TAOK1: variants seen among roughly 807,000 people sequenced by gnomAD.
TAOK1 encodes serine/threonine-protein kinase TAO1.
In TAOK1, 21 loss-of-function variants were observed where a neutral mutation model predicts 138.3. The ratio of observed to expected loss-of-function variants is 0.15; its 90% confidence interval spans 0.11 to 0.22. The LOEUF (loss-of-function observed/expected upper bound fraction) is 0.22, where lower values mean the gene tolerates loss of function less well. TAOK1 is among the 10% of genes least tolerant of loss of function. The pLI, the probability that TAOK1 is intolerant of heterozygous loss-of-function variation, is 1.00. For missense variants in TAOK1, 651 were observed against 1,227.7 expected, an observed-to-expected ratio of 0.53 and a Z score of 7.02; for synonymous variants, 361 against 398.4, an observed-to-expected ratio of 0.91 and a Z score of 1.12.
Position 29,545,186 on chromosome 17 carries a change from T to A in TAOK1, c.*2164T>A, listed in dbSNP as rs907050876. On this transcript the variant is annotated 3_prime_UTR_variant, in exon 20 of 20. Transcript: ENST00000261716. ...CATGACATGACATGTACTTGTAATATCAGTGAAAGGGGCTTTTAGTCGTCT... is the reference window on the plus strand; with the variant it reads ...CATGACATGACATGTACTTGTAATAACAGTGAAAGGGGCTTTTAGTCGTCT... The A allele has an allele frequency of 6.6e-6, 1 of 152,170 alleles. No homozygotes were observed. Among genetic ancestry groups the A allele is most frequent in the Admixed American group, 6.6e-5 (1 of 15,258 alleles). The allele number at this position is 152,170 out of a possible 1,614,324, so 9.4% of individuals were successfully genotyped here.
intron 18 of TAOK1, among the ~76,000 whole-genome samples, chr17:29,531,110 T>C (rs1356433716): frequency 6.7e-6 from 1 of 149,872 alleles, no homozygotes; most frequent in Non-Finnish European, 1.5e-5. Flanking sequence ...TACAGGCGCC[T>C]GCCACTATGC....
chr17:29,431,829 T>TG (rs1248115242), intron 1 of TAOK1, among the ~76,000 whole-genome samples: 1 of 129,470 alleles, frequency 7.7e-6, no homozygotes, highest in Admixed American at 8.3e-5. Flanking sequence ...TTTTTTGAGA[T>TG]GGAGTCTCAC....
intron 3 of TAOK1, among the ~76,000 whole-genome samples, chr17:29,473,979 G>A (rs915401364): frequency 6.6e-6 from 1 of 152,058 alleles, no homozygotes; most frequent in Non-Finnish European, 1.5e-5. Context: ...TGATCTGTCC[G>A]CCTTGGTCTC....
intron 1 of TAOK1, among the ~76,000 whole-genome samples, chr17:29,450,716 A>G (rs944469556): frequency 6.6e-6 from 1 of 152,062 alleles, no homozygotes; most frequent in Non-Finnish European, 1.5e-5. Flanking sequence ...GGGTCTTACC[A>G]TATTACCCAG....
chr17:29,525,347 G>A (rs994194067), intron 17 of TAOK1, among the ~76,000 whole-genome samples: 3 of 151,862 alleles, frequency 2.0e-5, no homozygotes, highest in African/African-American at 7.2e-5. Context: ...TCCTGACCTC[G>A]TGATCCGCCC....
chr17:29,429,693 C>A (rs879526356), intron 1 of TAOK1, among the ~76,000 whole-genome samples: 2 of 152,166 alleles, frequency 1.3e-5, no homozygotes, highest in African/African-American at 4.8e-5. Flanking sequence ...CCACTAACAT[C>A]CTTTTCCTGT....
chr17:29,391,626 C>T (rs998464618), intron 1 of TAOK1, among the ~76,000 whole-genome samples: 2 of 152,176 alleles, frequency 1.3e-5, no homozygotes, highest in Non-Finnish European at 2.9e-5. Context: ...TGGCGCTTCC[C>T]TTGAAAAGGT....
intron 16 of TAOK1, among the ~76,000 whole-genome samples, chr17:29,521,278 T>C (rs766900053): frequency 5.3e-5 from 8 of 152,182 alleles, no homozygotes; most frequent in Non-Finnish European, 1.0e-4. Context: ...TATATATGTA[T>C]GTGTTTACTT....
intron 19 of TAOK1, 110 bp downstream of exon 19, chr17:29,534,410 AC>A: frequency 9.8e-7 from 1 of 1,023,472 alleles, no homozygotes; most frequent in Non-Finnish European, 1.3e-6. Context: ...CTTTCACAAT[AC>A]CACATTTCCT....
rs542395772 is a variant in TAOK1, at chr17:29,485,119, G to A, written c.655+2831G>A. ...ACAAAGGTTGAAATTACTTGGTTAT[G>A]TCTTAATACCAAGAAATCTTATAAT... is the stretch of plus-strand genomic sequence containing the variant. On this transcript the variant is annotated intron_variant, in intron 8 of 19. Transcript: ENST00000261716. 1.5e-3 allele frequency among the ~76,000 whole-genome samples: 235 copies of A among 152,232 alleles called. 1 individual carries two copies. The highest frequency in any genetic ancestry group is 5.4e-3 in the African/African-American group (226 of 41,532).
chr17:29,477,794 A>G, intron 5 of TAOK1, 88 bp downstream of exon 5: 1 of 787,500 alleles, frequency 1.3e-6, no homozygotes. Context: ...ATACCAAATA[A>G]TGTAAAACTT....
chr17:29,409,554 C>T (rs1905091845), intron 1 of TAOK1, among the ~76,000 whole-genome samples: 1 of 151,352 alleles, frequency 6.6e-6, no homozygotes, highest in Non-Finnish European at 1.5e-5. Context: ...AGGATGGTCT[C>T]GATTTCCTGA....
rs1481445713 is a variant in TAOK1, at chr17:29,491,843, C to G, written c.809C>G (p.Pro270Arg). 1.9e-6 allele frequency: 3 copies of G among 1,613,222 alleles called. No homozygotes were observed. Among genetic ancestry groups the G allele is most frequent in the Non-Finnish European group, 2.5e-6 (3 of 1,179,440 alleles). Residue 270 changes from proline (P) to arginine (R), a missense_variant, in exon 10 of 20, where the codon CCT (proline) becomes CGT (arginine). Transcript: ENST00000261716. Reference sequence around the variant, plus strand: ...CTCCAGAAAATCCCTCAAGATCGACCTACATCAGAGGAACTTTTAAAGGTC... The same window carrying G: ...CTCCAGAAAATCCCTCAAGATCGACGTACATCAGAGGAACTTTTAAAGGTC... Reference protein sequence around the residue: ...SCLQKIPQDRPTSEELLKHIF... With the variant: ...SCLQKIPQDRRTSEELLKHIF...
rs1421214745 is a variant in TAOK1, at chr17:29,550,204, T to C, written c.*7182T>C. 6.6e-6 allele frequency: 1 copy of C among 152,240 alleles called. No individual in the cohort carries two copies. Among genetic ancestry groups the C allele is most frequent in the Non-Finnish European group, 1.5e-5 (1 of 68,030 alleles). The allele number at this position is 152,240 out of a possible 1,614,324, so 9.4% of individuals were successfully genotyped here. On this transcript the variant is annotated 3_prime_UTR_variant, in exon 20 of 20. Transcript: ENST00000261716. ...ATCCTTCTCTGCTAGAACAGGTTAA[T>C]TCTCCAAATTTGTTTTGTTTTGTTT...
chr17:29,512,299 A>C (rs1013411894), intron 15 of TAOK1: 3 of 149,834 alleles, frequency 2.0e-5, no homozygotes, highest in Middle Eastern at 3.7e-3. Flanking sequence ...ACCTCAGACA[A>C]TCTACCCACC....
chr17:29,422,856 C>G (rs193212354), intron 1 of TAOK1, among the ~76,000 whole-genome samples: 4 of 152,232 alleles, frequency 2.6e-5, no homozygotes, highest in Admixed American at 6.5e-5. Flanking sequence ...AAACCCCCGT[C>G]TCTACTAAAC....
chr17:29,403,129 C>T (rs1242848646), intron 1 of TAOK1, among the ~76,000 whole-genome samples: 3 of 134,644 alleles, frequency 2.2e-5, no homozygotes, highest in African/African-American at 8.7e-5. Context: ...CCATTGCACT[C>T]CAGCCTGGGT....
At chr17:29,490,973 A>G (rs1180024628) in intron 9 of TAOK1, among the ~76,000 whole-genome samples, 1 of 152,138 alleles carries the variant, frequency 6.6e-6, no homozygotes, top group Non-Finnish European at 1.5e-5. Flanking sequence ...ATTAGGCCCC[A>G]CCTCCCAACA....
At chr17:29,526,870 T>C (rs2032020460) in intron 17 of TAOK1, among the ~76,000 whole-genome samples, 1 of 136,820 alleles carries the variant, frequency 7.3e-6, no homozygotes, top group Non-Finnish European at 1.5e-5. Flanking sequence ...GGCTCACGGC[T>C]GCAATCCCAG....
Sources: allele counts gnomAD v4.1 joint callset (sites outside exome capture counted in the v4.1 genomes callset), GRCh38; gene constraint gnomAD v4.1.1; transcripts MANE v1.5; gene names NCBI Gene and HGNC (gene_info 2026-07-23, HGNC 2026-07-21).